Variants in CDH11 observed in about 807,000 individuals in gnomAD.
CDH11 encodes cadherin-11.
In CDH11, 11 loss-of-function variants were observed where a neutral mutation model predicts 67.8. That is an observed-to-expected ratio of 0.16 (90% CI 0.10 to 0.27). The LOEUF (loss-of-function observed/expected upper bound fraction) is 0.27, where lower values mean the gene tolerates loss of function less well. CDH11 is among the 10% of genes least tolerant of loss of function. CDH11 has a pLI of 1.00. For missense variants in CDH11, 847 were observed against 1,031.2 expected (o/e 0.82, Z 2.45); for synonymous variants, 419 against 400.0 (o/e 1.05, Z -0.57).
chr16:65,038,444 GCT>G (rs2073797312), intron 2 of CDH11, among the ~76,000 whole-genome samples: 1 of 152,076 alleles, frequency 6.6e-6, no homozygotes, highest in Admixed American at 6.5e-5. Flanking sequence ...GACATCAAAA[GCT>G]CTCTCATTAT....
chr16:65,050,932 A>G (rs1161803733), intron 2 of CDH11, among the ~76,000 whole-genome samples: 1 of 152,110 alleles, frequency 6.6e-6, no homozygotes. Context: ...TGTCACTCGC[A>G]CATCTTATTG....
At position 65,004,667 on chromosome 16, in the gene CDH11, C is replaced by G; in HGVS notation, c.203G>C (p.Gly68Ala). Residue 68 changes from glycine to alanine, a missense_variant, in exon 3 of 13, where the codon GGG becomes GCG. Coordinates refer to ENST00000268603, the MANE Select transcript of CDH11 (RefSeq NM_001797.4). ...CCTGCCCACAAGCACGGGGTCAGGC[C>G]CGGTGTACTCCTCTATCACGAAGAA... Reference protein sequence around the residue: ...NQFFVIEEYTGPDPVLVGRLH... With the variant: ...NQFFVIEEYTAPDPVLVGRLH... 1.2e-6 allele frequency: 2 copies of G among 1,613,382 alleles called. No homozygotes were observed. The highest frequency in any genetic ancestry group is 4.5e-5 in the East Asian group (2 of 44,796).
At chr16:65,033,736 CTAAAA>C (rs59225853) in intron 2 of CDH11, among the ~76,000 whole-genome samples, 112 of 141,580 alleles carry the variant, frequency 7.9e-4, no homozygotes, top group Middle Eastern at 3.5e-3. Context: ...GACTCCATCT[CTAAAA>C]TAAAATAAAA....
Position 64,946,626 on chromosome 16 carries a change from A to C in CDH11, c.*977T>G. On this transcript the variant is annotated 3_prime_UTR_variant, in exon 13 of 13. Coordinates refer to ENST00000268603, the MANE Select transcript of CDH11 (RefSeq NM_001797.4). ...AATCTTGTCTGAAAAAACATTTGTA[A>C]AACATATTTGATTTTAAATAAACAA... The C allele has an allele frequency of 9.8e-7, 1 of 1,022,988 alleles. No homozygotes were observed. The allele number at this position is 1,022,988 out of a possible 1,614,324, so 63.4% of individuals were successfully genotyped here.
At chr16:65,006,607 G>A (rs935975862) in intron 2 of CDH11, among the ~76,000 whole-genome samples, 1 of 152,222 alleles carries the variant, frequency 6.6e-6, no homozygotes, top group African/African-American at 2.4e-5. Context: ...AACTGGACAT[G>A]CAATAGGTTC....
chr16:65,018,925 T>C (rs1351509955), intron 2 of CDH11, among the ~76,000 whole-genome samples: 2 of 152,186 alleles, frequency 1.3e-5, no homozygotes, highest in Non-Finnish European at 2.9e-5. Flanking sequence ...GCAGCCGCAG[T>C]CAAAGATGCA....
intron 1 of CDH11, among the ~76,000 whole-genome samples, chr16:65,098,095 A>G (rs1315743765): frequency 6.6e-6 from 1 of 152,198 alleles, no homozygotes; most frequent in Non-Finnish European, 1.5e-5. Context: ...AATTATCAAA[A>G]TAGATCAACT....
chr16:65,116,122 T>C (rs1183377079), intron 1 of CDH11, among the ~76,000 whole-genome samples: 2 of 152,208 alleles, frequency 1.3e-5, no homozygotes, highest in African/African-American at 4.8e-5. Flanking sequence ...TCTAGCATGA[T>C]GAAAACTGAA....
At chr16:64,986,272 CTATT>C in intron 7 of CDH11, 1 of 138,810 alleles carries the variant, frequency 7.2e-6, no homozygotes, top group East Asian at 2.1e-4. Flanking sequence ...ACATCTTACA[CTATT>C]TAAAACCTAA....
chr16:64,977,073 C>T (rs1013311327), intron 8 of CDH11, among the ~76,000 whole-genome samples: 2 of 152,046 alleles, frequency 1.3e-5, no homozygotes, highest in African/African-American at 4.8e-5. Flanking sequence ...GTGGCATGCA[C>T]CTGCAGTCCC....
chr16:65,042,915 CAG>C (rs925638696), intron 2 of CDH11, among the ~76,000 whole-genome samples: 1 of 152,158 alleles, frequency 6.6e-6, no homozygotes, highest in African/African-American at 2.4e-5. Flanking sequence ...CCTTCTCTAA[CAG>C]GGTGGGAAAA....
chr16:65,073,451 T>C (rs1047607667), intron 1 of CDH11, among the ~76,000 whole-genome samples: 2 of 152,128 alleles, frequency 1.3e-5, no homozygotes, highest in Non-Finnish European at 1.5e-5. Context: ...CAGCTAACTT[T>C]TTATAATTTT....
intron 1 of CDH11, among the ~76,000 whole-genome samples, chr16:65,056,816 TA>T (rs1296179312): frequency 6.6e-6 from 1 of 152,150 alleles, no homozygotes; most frequent in Non-Finnish European, 1.5e-5. Context: ...CTCAAATCTG[TA>T]AAAGACCGAT....
intron 2 of CDH11, among the ~76,000 whole-genome samples, chr16:65,036,188 G>T (rs1197982160): frequency 6.6e-6 from 1 of 152,100 alleles, no homozygotes; most frequent in African/African-American, 2.4e-5. Flanking sequence ...GCTCACTCAA[G>T]GTCATATGAC....
At chr16:65,098,227 T>G (rs972829563) in intron 1 of CDH11, among the ~76,000 whole-genome samples, 6 of 152,146 alleles carry the variant, frequency 3.9e-5, no homozygotes, top group Admixed American at 2.0e-4. Context: ...GAACCTCATA[T>G]TGCTACCACA....
At position 65,065,697 on chromosome 16, in the gene CDH11, A is replaced by C. The variant is rs148630058; in HGVS notation, c.-297-11769T>G. On this transcript the variant is annotated intron_variant, in intron 1 of 12. Coordinates refer to ENST00000268603, the MANE Select transcript of CDH11 (RefSeq NM_001797.4). ...ATCACTGGCCCACAGAGGTGAAGGAAGGAGATAGAGGAAGATACTCAACAG... is the reference window on the plus strand; with the variant it reads ...ATCACTGGCCCACAGAGGTGAAGGACGGAGATAGAGGAAGATACTCAACAG... Among the ~76,000 whole-genome samples, 203 of 152,340 alleles carry C rather than the reference A, an allele frequency of 1.3e-3. 1 individual carries two copies. The highest frequency in any genetic ancestry group is 2.4e-3 in the Admixed American group (36 of 15,304).
intron 2 of CDH11, among the ~76,000 whole-genome samples, chr16:65,009,857 G>T (rs191386563): frequency 6.6e-6 from 1 of 152,284 alleles, no homozygotes; most frequent in East Asian, 1.9e-4. Flanking sequence ...CCACCAGCTC[G>T]AAAGGGAAGG....
Position 65,120,089 on chromosome 16 carries a change from A to G in CDH11, c.-298+1791T>C, listed in dbSNP as rs544326729. On this transcript the variant is annotated intron_variant, in intron 1 of 12. Transcript: ENST00000268603. ...AACTTTTTTTCCTTTGTCCTATTGGAAGAAGACCAGGCTCCCTGCAGCTAG... is the reference window on the plus strand; with the variant it reads ...AACTTTTTTTCCTTTGTCCTATTGGGAGAAGACCAGGCTCCCTGCAGCTAG... Among the ~76,000 whole-genome samples, 12 of 152,294 alleles carry G rather than the reference A, an allele frequency of 7.9e-5. No homozygotes were observed. The East Asian group carries it at 1.2e-3, about 15-fold the overall frequency.
intron 12 of CDH11, 98 bp downstream of exon 12, chr16:64,950,669 G>A: frequency 8.0e-7 from 1 of 1,249,116 alleles, no homozygotes; most frequent in South Asian, 1.4e-5. Context: ...AGTCATAACA[G>A]GGTCCTGGTT....
Sources: gnomAD v4.1 joint callset for allele counts (sites outside exome capture counted in the v4.1 genomes callset) on GRCh38, gnomAD v4.1.1 for gene constraint, MANE v1.5 for transcripts, NCBI Gene and HGNC (gene_info 2026-07-23, HGNC 2026-07-21) for gene names.